ARL15: variants seen among roughly 807,000 people sequenced by gnomAD.
ARL15 encodes the protein ARF like GTPase 15.
Under a neutral mutation model 25.2 loss-of-function variants are expected in ARL15, and 19 were observed. The observed-to-expected ratio is 0.75, with a 90% confidence interval of 0.53 to 1.10. The LOEUF (loss-of-function observed/expected upper bound fraction) is 1.10. ARL15 is among the 50% of genes least tolerant of loss of function. ARL15 has a pLI of 0.00. For missense variants in ARL15, 220 were observed against 246.0 expected, an observed-to-expected ratio of 0.89 and a Z score of 0.71; for synonymous variants, 94 against 86.8, an observed-to-expected ratio of 1.08 and a Z score of -0.46.
intron 3 of ARL15, among the ~76,000 whole-genome samples, chr5:54,152,958 C>T (rs1047812200): frequency 1.3e-5 from 2 of 152,204 alleles, no homozygotes; most frequent in Non-Finnish European, 2.9e-5. Context: ...AAACTGTCCA[C>T]ATACAGTTAC....
At chr5:54,247,922 G>A (rs1282133775) in intron 1 of ARL15, among the ~76,000 whole-genome samples, 1 of 152,028 alleles carries the variant, frequency 6.6e-6, no homozygotes, top group Non-Finnish European at 1.5e-5. Context: ...GGGGAGAGCT[G>A]GTGAATGTGA....
chr5:54,162,184 G>A (rs940833112), intron 2 of ARL15, among the ~76,000 whole-genome samples: 3 of 151,914 alleles, frequency 2.0e-5, no homozygotes, highest in African/African-American at 4.8e-5. Flanking sequence ...CTGCCTATTC[G>A]CCAACCCTTC....
chr5:54,215,053 G>C (rs1756149266), intron 1 of ARL15, among the ~76,000 whole-genome samples: 1 of 152,082 alleles, frequency 6.6e-6, no homozygotes, highest in African/African-American at 2.4e-5. Context: ...GGAGACACCA[G>C]CCAGAGCAGA....
At chr5:54,255,330 T>TA (rs1757336108) in intron 1 of ARL15, among the ~76,000 whole-genome samples, 1 of 151,640 alleles carries the variant, frequency 6.6e-6, no homozygotes, top group African/African-American at 2.4e-5. Flanking sequence ...ACATAAAAAA[T>TA]AAAAAACAAA....
At chr5:54,266,455 T>C (rs1366851247) in intron 1 of ARL15, among the ~76,000 whole-genome samples, 1 of 152,198 alleles carries the variant, frequency 6.6e-6, no homozygotes. Context: ...CAAGTCTTCC[T>C]GAGTATGGGT....
intron 3 of ARL15, among the ~76,000 whole-genome samples, chr5:54,144,542 AT>A (rs1251647362): frequency 6.6e-6 from 1 of 152,042 alleles, no homozygotes; most frequent in Admixed American, 6.6e-5. Context: ...TGATCACTCT[AT>A]TACCTCTAGG....
chr5:53,921,816 C>CTAAAA (rs1360885979), intron 4 of ARL15, among the ~76,000 whole-genome samples: 1 of 152,182 alleles, frequency 6.6e-6, no homozygotes, highest in Non-Finnish European at 1.5e-5. Context: ...ACTGCTCTGA[C>CTAAAA]TAAAGCAAGG....
rs9292033 is a variant in ARL15 at position 53,902,507 on chromosome 5, C to T, written c.463-15794G>A. 4.1e-3 allele frequency among the ~76,000 whole-genome samples: 625 copies of T among 152,320 alleles called. 9 individuals are homozygous for T. Among genetic ancestry groups the T allele is most frequent in the African/African-American group, 0.014 (592 of 41,568 alleles). ...ATATATGTCCCCTGTCTCAATCTTG[C>T]AGCTGTCGGGTATGAAAAAACAACA... On this transcript the variant is annotated intron_variant, in intron 4 of 4. Transcript: ENST00000504924.
intron 4 of ARL15, among the ~76,000 whole-genome samples, chr5:53,915,048 T>C (rs1189230618): frequency 1.3e-5 from 2 of 152,202 alleles, no homozygotes; most frequent in Non-Finnish European, 2.9e-5. Context: ...TGACCTCAAG[T>C]GATCAACCCG....
At position 53,907,489 on chromosome 5, in the gene ARL15, T is replaced by TATATATATATATA. The variant is rs1554025337; in HGVS notation, c.463-20777_463-20776insTATATATATATAT. Among the ~76,000 whole-genome samples the TATATATATATATA allele has an allele frequency of 1.0e-3, 17 of 16,930 alleles. 1 individual carries two copies. Among genetic ancestry groups the TATATATATATATA allele is most frequent in the South Asian group, 5.9e-3 (2 of 338 alleles). The allele number at this position is 16,930 out of a possible 152,430, so 11.1% of individuals were successfully genotyped here. A position where few individuals can be genotyped will look rare whatever the true frequency, so the allele number is the denominator to read the frequency against. ...ATATATATATATATATATATATATA[T>TATATATATATATA]TTTTTTTTTTTTTTTTTTTTTTTTT... On this transcript the variant is annotated intron_variant, in intron 4 of 4. Transcript: ENST00000504924.
intron 1 of ARL15, among the ~76,000 whole-genome samples, chr5:54,216,741 G>A (rs1282556420): frequency 6.6e-6 from 1 of 152,132 alleles, no homozygotes; most frequent in Non-Finnish European, 1.5e-5. Context: ...ATTACATGCT[G>A]TAACTAAGTG....
At chr5:54,049,827 C>A (rs908295168) in intron 4 of ARL15, among the ~76,000 whole-genome samples, 7 of 152,014 alleles carry the variant, frequency 4.6e-5, no homozygotes, top group Non-Finnish European at 8.8e-5. Flanking sequence ...CCACCTAAGC[C>A]TCCCAAAGTG....
chr5:53,892,719 C>T (rs1744759390), intron 4 of ARL15, among the ~76,000 whole-genome samples: 1 of 152,016 alleles, frequency 6.6e-6, no homozygotes, highest in African/African-American at 2.4e-5. Flanking sequence ...CCTCCCACCT[C>T]AGCCTCCTAA....
At chr5:54,006,051 C>CA (rs56094450) in intron 4 of ARL15, among the ~76,000 whole-genome samples, 9,215 of 53,120 alleles carry the variant, frequency 0.17, 337 homozygotes, top group African/African-American at 0.24. Context: ...ATTACATCTC[C>CA]AAAAAAAAAA....
intron 3 of ARL15, among the ~76,000 whole-genome samples, chr5:54,145,130 CAT>C (rs1025690676): frequency 3.3e-5 from 5 of 151,848 alleles, no homozygotes; most frequent in East Asian, 3.9e-4. Flanking sequence ...AATATAAAGA[CAT>C]ATATAACAAA....
At chr5:53,946,470 A>G (rs1746735377) in intron 4 of ARL15, among the ~76,000 whole-genome samples, 1 of 150,748 alleles carries the variant, frequency 6.6e-6, no homozygotes, top group Non-Finnish European at 1.5e-5. Flanking sequence ...AAAAAAAAAA[A>G]AAAAAAAAAA....
At chr5:53,887,157 ATT>A (rs1212479786) in intron 4 of ARL15, among the ~76,000 whole-genome samples, 1 of 152,210 alleles carries the variant, frequency 6.6e-6, no homozygotes, top group Admixed American at 6.5e-5. Context: ...AGACTCAATT[ATT>A]TTGACCATCA....
At chr5:54,230,655 T>C (rs1360623751) in intron 1 of ARL15, among the ~76,000 whole-genome samples, 1 of 152,174 alleles carries the variant, frequency 6.6e-6, no homozygotes, top group Non-Finnish European at 1.5e-5. Flanking sequence ...TCTCCTCCTC[T>C]GTGAGGTATG....
At chr5:54,162,595 C>A (rs1288615254) in intron 2 of ARL15, among the ~76,000 whole-genome samples, 2 of 152,142 alleles carry the variant, frequency 1.3e-5, no homozygotes, top group Non-Finnish European at 2.9e-5. Context: ...TTCCCACCTA[C>A]CAATTTTCAG....
Sources: allele counts gnomAD v4.1 joint callset (sites outside exome capture counted in the v4.1 genomes callset), GRCh38; gene constraint gnomAD v4.1.1; transcripts MANE v1.5; gene names NCBI Gene and HGNC (gene_info 2026-07-23, HGNC 2026-07-21).